CFAP46: variants seen among roughly 807,000 people sequenced by gnomAD.
CFAP46 encodes cilia and flagella associated protein 46.
CFAP46 carries 245 observed loss-of-function variants against 325.7 expected under a neutral mutation model. The ratio of observed to expected loss-of-function variants is 0.75; its 90% confidence interval spans 0.68 to 0.84. The LOEUF is 0.84. Among genes scored for constraint, CFAP46 ranks in the 40% least tolerant of loss-of-function variants. The pLI is 0.00. For synonymous variants in CFAP46, 1,523 were observed against 1,495.9 expected (o/e 1.02, Z -0.42); for missense variants, 3,346 against 3,543.0 (o/e 0.94, Z 1.41).
In CFAP46 at chr10:132,846,135, C is replaced by T. The variant is rs1848431783; in HGVS notation, c.6360G>A (p.Gln2120=). 6.2e-7 allele frequency: 1 copy of T among 1,610,704 alleles called. No homozygotes were observed. The highest frequency in any genetic ancestry group is 8.5e-7 in the Non-Finnish European group (1 of 1,179,462). Residue 2120 remains glutamine, a synonymous_variant, in exon 44 of 58, where the codon CAG becomes CAA. Coordinates refer to ENST00000368586, the MANE Select transcript of CFAP46 (RefSeq NM_001200049.3). ...TCCTGTCTTGGCACCGGAGCTGGTGCTGTAGCTGCAGCAGGGCCGCCAGCT... is the reference window on the plus strand; with the variant it reads ...TCCTGTCTTGGCACCGGAGCTGGTGTTGTAGCTGCAGCAGGGCCGCCAGCT... The part of the protein sequence containing the change: ...SSQLAALLQL[Q]HQLRCQDRTT...
chr10:132,833,813 G>A (rs1478310852), intron 49 of CFAP46, among the ~76,000 whole-genome samples: 1 of 152,228 alleles, frequency 6.6e-6, no homozygotes, highest in Non-Finnish European at 1.5e-5. Flanking sequence ...GTGCTCTCAG[G>A]AGGCTTGGCA....
In CFAP46 at chr10:132,940,982, T is replaced by C. The variant is rs1364920259; in HGVS notation, c.371+14A>G. ...ACCCAGTCAGTGAGAAACGGCCACT[T>C]CAATTTTGCCTACCTCGGTTCTCCT... On this transcript the variant is annotated intron_variant, in intron 4 of 57. Transcript: ENST00000368586. 6.2e-7 allele frequency: 1 copy of C among 1,614,052 alleles called. No homozygotes were observed. The highest frequency in any genetic ancestry group is 8.5e-7 in the Non-Finnish European group (1 of 1,179,912).
chr10:132,885,706 G>GGT (rs1849113109), intron 26 of CFAP46, 115 bp downstream of exon 26: 5 of 791,654 alleles, frequency 6.3e-6, no homozygotes, highest in South Asian at 2.4e-5. Flanking sequence ...GCACACCCCC[G>GGT]GTGGGGATGC....
In CFAP46 at chr10:132,878,032, G is replaced by T. The variant is rs879078309; in HGVS notation, c.4061C>A (p.Thr1354Asn). ...SVLENRPLAA[T>N]SSHLLLPKKE... ...TTTAGGCAATAACAGATGTGAGCTGGTTGCTGCCAGGGGTCTGTTTTCCAG... is the reference window on the plus strand; with the variant it reads ...TTTAGGCAATAACAGATGTGAGCTGTTTGCTGCCAGGGGTCTGTTTTCCAG... The change falls in exon 30 of 58, where the codon ACC becomes AAC. Residue 1354 changes from threonine to asparagine, a missense_variant. Thr to Asn is a moderately conservative substitution (Grantham distance 65). Transcript: ENST00000368586. The T allele has an allele frequency of 8.4e-6, 13 of 1,548,158 alleles. No individual in the cohort carries two copies. The South Asian group carries it at 1.1e-4, about 13-fold the overall frequency.
chr10:132,839,933 T>C (rs879702371), intron 44 of CFAP46, among the ~76,000 whole-genome samples: 2 of 152,220 alleles, frequency 1.3e-5, no homozygotes, highest in East Asian at 3.8e-4. Context: ...TGAGAGAGCC[T>C]TTCCTTTCTT....
intron 50 of CFAP46, among the ~76,000 whole-genome samples, chr10:132,823,970 C>T (rs1847963917): frequency 8.8e-6 from 1 of 114,000 alleles, no homozygotes; most frequent in African/African-American, 3.6e-5. Flanking sequence ...TGTGTGAGTG[C>T]TAATGTGTGC....
In CFAP46 at chr10:132,846,823, G is replaced by A. The variant is rs921952921; in HGVS notation, c.6267+109C>T. 2.1e-5 allele frequency: 29 copies of A among 1,362,028 alleles called. No individual in the cohort carries two copies. The East Asian group carries it at 2.3e-4, about 11-fold the overall frequency. The allele number at this position is 1,362,028 out of a possible 1,614,324, so 84.4% of individuals were successfully genotyped here. A position where few individuals can be genotyped will look rare whatever the true frequency, so the allele number is the denominator to read the frequency against. On this transcript the variant is annotated intron_variant, in intron 43 of 57. Coordinates refer to ENST00000368586, the MANE Select transcript of CFAP46 (RefSeq NM_001200049.3). ...CCACTGCTTAAGGACCCTGGCCTGC[G>A]GCCTGCTTCTCTAATGGAGTCCCCC...
Position 132,926,694 on chromosome 10 carries a change from ATG to A in CFAP46, c.967-30_967-29del, listed in dbSNP as rs1294039920. On this transcript the variant is annotated intron_variant, in intron 9 of 57. Transcript: ENST00000368586. ...GCAGATATAAACAGTTTTTGAAAAGATGGAGATCTGTAAGGGAAGCAGCTGTG... is the reference window on the plus strand; with the variant it reads ...GCAGATATAAACAGTTTTTGAAAAGAGAGATCTGTAAGGGAAGCAGCTGTG... 3.9e-5 allele frequency: 57 copies of A among 1,475,918 alleles called. No individual in the cohort carries two copies. The Admixed American group carries it at 1.1e-3, about 28-fold the overall frequency. 91.4% of individuals were successfully genotyped at this position (1,475,918 alleles called of 1,614,324 possible).
At chr10:132,863,774 A>C (rs1365371144) in intron 35 of CFAP46, among the ~76,000 whole-genome samples, 3 of 125,698 alleles carry the variant, frequency 2.4e-5, no homozygotes, top group Non-Finnish European at 4.8e-5. Context: ...AGTGCCTGAG[A>C]CCTGCACACA....
chr10:132,916,750 C>T (rs766835644), intron 16 of CFAP46, 68 bp from the exon 17 acceptor site: 10 of 1,402,376 alleles, frequency 7.1e-6, no homozygotes, highest in African/African-American at 1.5e-5. Context: ...ATAGGAAACA[C>T]ACACGCCCTT....
chr10:132,912,872 G>A (rs778391803), intron 18 of CFAP46, 52 bp from the exon 19 acceptor site: 48 of 1,536,124 alleles, frequency 3.1e-5, no homozygotes, highest in East Asian at 4.9e-5. Context: ...GCCTCGCCCC[G>A]ATCCCATGTG....
At chr10:132,833,209 A>G in intron 50 of CFAP46, 149 bp downstream of exon 50, 1 of 829,790 alleles carries the variant, frequency 1.2e-6, no homozygotes, top group Non-Finnish European at 1.9e-6. Context: ...TATATCCTAC[A>G]AATATCTTTG....
intron 7 of CFAP46, among the ~76,000 whole-genome samples, chr10:132,935,482 C>G (rs1849981975): frequency 6.8e-6 from 1 of 146,334 alleles, no homozygotes; most frequent in Non-Finnish European, 1.5e-5. Context: ...AGCACCCAAA[C>G]ACACCGTGAT....
At position 132,909,937 on chromosome 10, in the gene CFAP46, C is replaced by A; in HGVS notation, c.2631G>T (p.Arg877=). ...KQLLQQQIGP[R]LGTEEQGTNE... ...CGCCCACCTGCTCCTCGGTGCCCAG[C>A]CGTGGCCCAATCTGCTGCTGCAGCA... The change falls in exon 20 of 58, where the codon CGG becomes CGT. Residue 877 remains arginine (R), a synonymous_variant. Coordinates refer to ENST00000368586, the MANE Select transcript of CFAP46 (RefSeq NM_001200049.3). 6.6e-7 allele frequency: 1 copy of A among 1,510,018 alleles called. No homozygotes were observed. Among genetic ancestry groups the A allele is most frequent in the Non-Finnish European group, 8.8e-7 (1 of 1,130,520 alleles). The allele number at this position is 1,510,018 out of a possible 1,614,324, so 93.5% of individuals were successfully genotyped here.
In CFAP46 at chr10:132,808,806, G is replaced by C. The variant is rs1847518552; in HGVS notation, c.7763C>G (p.Pro2588Arg). 1.2e-5 allele frequency: 20 copies of C among 1,607,622 alleles called. No homozygotes were observed. The highest frequency in any genetic ancestry group is 1.7e-5 in the Admixed American group (1 of 59,134). The change falls in exon 58 of 58, where the codon CCA (proline) becomes CGA (arginine). Residue 2588 changes from proline (P) to arginine (R), a missense_variant. Pro to Arg is a moderately radical substitution (Grantham distance 103). Coordinates refer to ENST00000368586, the MANE Select transcript of CFAP46 (RefSeq NM_001200049.3). This position sits in a 1 kb window ranked among gnomAD's most constrained non-coding sequence, Gnocchi z 6.8. ...CCAGGCCTGCACTACCCGATGGCTT[G>C]GTGCGGCAGCCCATACAGGACCAAG... ...AQLGPVWAAA[P>R]SHRVVQAWTC...
At chr10:132,839,298 G>A (rs528528712) in intron 44 of CFAP46, among the ~76,000 whole-genome samples, 1 of 152,228 alleles carries the variant, frequency 6.6e-6, no homozygotes, top group Non-Finnish European at 1.5e-5. Context: ...CCCCACAAGG[G>A]ACACAGCCCT....
intron 50 of CFAP46, among the ~76,000 whole-genome samples, chr10:132,818,114 G>A (rs572385356): frequency 7.9e-5 from 12 of 152,298 alleles, no homozygotes; most frequent in East Asian, 3.9e-4. Context: ...TGGGCGGCCC[G>A]TGTCCTGCCA....
intron 22 of CFAP46, among the ~76,000 whole-genome samples, chr10:132,902,892 C>G (rs1264382194): frequency 6.6e-6 from 1 of 152,086 alleles, no homozygotes; most frequent in African/African-American, 2.4e-5. Context: ...GTGTGTCTTT[C>G]TGAATGCCTG....
In CFAP46 at chr10:132,885,881, T is replaced by A. The variant is rs1373216451; in HGVS notation, c.3383A>T (p.Glu1128Val). The change falls in exon 26 of 58, where the codon GAG becomes GTG. Residue 1128 changes from glutamate (E) to valine (V), a missense_variant. Glu to Val is a moderately radical substitution (Grantham distance 121). Transcript: ENST00000368586. ...FHSHADQDDW[E>V]GGLKVLDEAV... ...CTCGTCCAGCACCTTGAGGCCGCCC[T>A]CCCAGTCGTCCTGGTCGGCATGGCT... 3 of 1,550,056 alleles carry A rather than the reference T, an allele frequency of 1.9e-6. No individual in the cohort carries two copies. The highest frequency in any genetic ancestry group is 2.6e-6 in the Non-Finnish European group (3 of 1,146,846).
Sources: gnomAD v4.1 joint callset for allele counts (sites outside exome capture counted in the v4.1 genomes callset) on GRCh38, gnomAD v4.1.1 for gene constraint, Gnocchi (gnomAD v3.1) non-coding constraint, MANE v1.5 for transcripts, NCBI Gene and HGNC (gene_info 2026-07-23, HGNC 2026-07-21) for gene names.